Variants in AOPEP observed in about 807,000 individuals in gnomAD.
The protein encoded by AOPEP is aminopeptidase O.
In AOPEP, 77 loss-of-function variants were observed where a neutral mutation model predicts 98.1. The ratio of observed to expected loss-of-function variants is 0.78; its 90% CI spans 0.65 to 0.95. AOPEP has a LOEUF of 0.95. Among genes scored for constraint, AOPEP ranks in the 40% least tolerant of loss-of-function variants. The pLI is 0.00. For synonymous variants in AOPEP, 346 were observed against 365.3 expected, an observed-to-expected ratio of 0.95 and a Z score of 0.60; for missense variants, 1,024 against 1,024.7, an observed-to-expected ratio of 1.00 and a Z score of 0.01.
intron 13 of AOPEP, among the ~76,000 whole-genome samples, chr9:95,032,099 TG>T (rs1322870586): frequency 6.6e-6 from 1 of 152,190 alleles, no homozygotes; most frequent in Admixed American, 6.5e-5. Context: ...GCAAACTAAC[TG>T]GGGGGCCCTG....
chr9:94,762,403 T>C (rs1838543378), intron 2 of AOPEP, among the ~76,000 whole-genome samples: 1 of 150,612 alleles, frequency 6.6e-6, no homozygotes, highest in Non-Finnish European at 1.5e-5. Flanking sequence ...GCCAAGATCG[T>C]GCCACTGCAC....
chr9:94,896,458 G>A (rs943236068), intron 5 of AOPEP, among the ~76,000 whole-genome samples: 3 of 152,166 alleles, frequency 2.0e-5, no homozygotes, highest in Non-Finnish European at 4.4e-5. Flanking sequence ...TAGGGAAAGT[G>A]GGGGGAAAGA....
chr9:95,028,627 T>G (rs1323629540), intron 13 of AOPEP, among the ~76,000 whole-genome samples: 2 of 152,234 alleles, frequency 1.3e-5, no homozygotes, highest in Non-Finnish European at 2.9e-5. Context: ...AGAAAATCTC[T>G]TTTGCAGTGA....
In AOPEP at chr9:95,082,662, A is replaced by G. The variant is rs542513753; in HGVS notation, c.2407A>G (p.Lys803Glu). ...QLARRCFERT[K>E]EQMDRSSAQV... ...CGCCCGTAGGTGCTTCGAGCGGACC[A>G]AGGAGCAGATGGATAGGTCCTCAGC... is the stretch of plus-strand genomic sequence containing the variant. The change falls in exon 16 of 17, where the codon AAG (lysine) becomes GAG (glutamate). Residue 803 changes from lysine to glutamate, a missense_variant. Lys to Glu is a moderately conservative substitution (Grantham distance 56). Coordinates refer to ENST00000375315, the MANE Select transcript of AOPEP (RefSeq NM_001193329.3). 148 of 1,614,224 alleles carry G rather than the reference A, an allele frequency of 9.2e-5. 5 individuals carry two copies. In the South Asian group the frequency reaches 1.0e-3, roughly 11 times the overall value.
At chr9:94,769,562 C>T (rs1840389977) in intron 2 of AOPEP, among the ~76,000 whole-genome samples, 1 of 152,184 alleles carries the variant, frequency 6.6e-6, no homozygotes, top group Admixed American at 6.5e-5. Flanking sequence ...AGTCTCCTAT[C>T]AGACATGGGT....
At chr9:95,066,334 A>T (rs891196393) in intron 14 of AOPEP, among the ~76,000 whole-genome samples, 15 of 151,798 alleles carry the variant, frequency 9.9e-5, no homozygotes, top group Non-Finnish European at 1.5e-4. Context: ...TTTTTTTTTT[A>T]AAAAGCTGAT....
chr9:94,859,270 T>C (rs2044637806), intron 5 of AOPEP, among the ~76,000 whole-genome samples: 1 of 152,142 alleles, frequency 6.6e-6, no homozygotes, highest in Non-Finnish European at 1.5e-5. Flanking sequence ...CCTCCAGAAG[T>C]GTGAGAAATA....
At position 94,834,854 on chromosome 9, in the gene AOPEP, A is replaced by G. The variant is rs191068902; in HGVS notation, c.1364+33852A>G. Among the ~76,000 whole-genome samples the G allele has an allele frequency of 3.5e-3, 437 of 124,914 alleles. 1 individual carries two copies. The Middle Eastern group carries it at 0.036, about 10-fold the overall frequency. The allele number at this position is 124,914 out of a possible 152,430, so 81.9% of individuals were successfully genotyped here. On this transcript the variant is annotated intron_variant, in intron 5 of 16. Transcript: ENST00000375315. The stretch of plus-strand genomic sequence containing the variant: ...CATACATACATACATACATACATAC[A>G]AACAATAAAACAAAAAAGATTTTTT...
intron 5 of AOPEP, among the ~76,000 whole-genome samples, chr9:94,906,280 G>A (rs1239636083): frequency 1.3e-5 from 2 of 149,540 alleles, no homozygotes; most frequent in African/African-American, 4.9e-5. Flanking sequence ...GCAACATAGC[G>A]AGACTCTGTC....
chr9:95,084,152 T>C (rs184061599), intron 16 of AOPEP, among the ~76,000 whole-genome samples: 2 of 152,356 alleles, frequency 1.3e-5, no homozygotes, highest in Admixed American at 1.3e-4. Flanking sequence ...TTTCGTGTTA[T>C]AGCTTCTCTA....
chr9:94,772,956 C>A (rs369218309), intron 2 of AOPEP, 46 bp from the exon 3 acceptor site: 121 of 1,528,524 alleles, frequency 7.9e-5, no homozygotes, highest in Non-Finnish European at 1.0e-4. Flanking sequence ...AGTGACAACT[C>A]ATTTTAAAGA....
At chr9:95,087,715 T>C (rs2070803410), downstream of AOPEP, among the ~76,000 whole-genome samples, 1 of 152,086 alleles carries the variant, frequency 6.6e-6, no homozygotes, top group South Asian at 2.1e-4. Flanking sequence ...GATTTTTCTT[T>C]CTCCACAAGG....
the AOPEP span, among the ~76,000 whole-genome samples, chr9:95,148,981 C>T: frequency 2.6e-5 from 4 of 152,118 alleles, no homozygotes; most frequent in South Asian, 2.1e-4. Context: ...CAAAACAACA[C>T]GTCCCACCAG....
rs146091846 is a variant in AOPEP at position 95,060,943 on chromosome 9, G to A, written c.2232+133G>A. ...AATCTCATGTGTTTGCTGTATGAGT[G>A]AAGAACTAAGTGCTTTAATCTGATT... On this transcript the variant is annotated intron_variant, in intron 14 of 16. Transcript: ENST00000375315. The A allele has an allele frequency of 6.0e-6, 4 of 671,874 alleles. No individual in the cohort carries two copies. The East Asian group carries it at 1.0e-4, about 17-fold the overall frequency. The allele number at this position is 671,874 out of a possible 1,614,324, so 41.6% of individuals were successfully genotyped here.
intron 5 of AOPEP, among the ~76,000 whole-genome samples, chr9:94,867,244 G>A (rs2045805741): frequency 6.6e-6 from 1 of 152,120 alleles, no homozygotes; most frequent in African/African-American, 2.4e-5. Context: ...TTTATACAAC[G>A]CTTAATGTAA....
intron 5 of AOPEP, among the ~76,000 whole-genome samples, chr9:94,912,816 A>C (rs2052267564): frequency 6.6e-6 from 1 of 152,220 alleles, no homozygotes; most frequent in Non-Finnish European, 1.5e-5. Flanking sequence ...AGGGGCAAGC[A>C]TGAGGAAAGA....
At chr9:94,914,848 C>A (rs1021023585) in intron 5 of AOPEP, among the ~76,000 whole-genome samples, 5 of 152,312 alleles carry the variant, frequency 3.3e-5, no homozygotes, top group Non-Finnish European at 5.9e-5. Context: ...AACAAACTCT[C>A]TTGGGGTGAG....
chr9:94,826,648 T>A (rs1196662896), intron 5 of AOPEP, among the ~76,000 whole-genome samples: 1 of 152,220 alleles, frequency 6.6e-6, no homozygotes, highest in Admixed American at 6.5e-5. Context: ...GATTTACCTT[T>A]AGCAATTCTT....
At chr9:94,942,049 A>T (rs2057066475) in intron 7 of AOPEP, among the ~76,000 whole-genome samples, 1 of 152,224 alleles carries the variant, frequency 6.6e-6, no homozygotes, top group South Asian at 2.1e-4. Context: ...GCATACTTCC[A>T]TATTGCTGCT....
Sources: gnomAD v4.1 joint callset for allele counts (sites outside exome capture counted in the v4.1 genomes callset) on GRCh38, gnomAD v4.1.1 for gene constraint, MANE v1.5 for transcripts, NCBI Gene and HGNC (gene_info 2026-07-23, HGNC 2026-07-21) for gene names.